The following CCDC73 variants were observed in gnomAD, a reference collection of about 807,000 sequenced individuals.
The protein encoded by CCDC73 is coiled-coil domain-containing protein 73.
In CCDC73, 95 loss-of-function variants were observed where a neutral mutation model predicts 116.5. That is an observed-to-expected ratio of 0.82 (90% CI 0.69 to 0.97). CCDC73 has a LOEUF of 0.97. Ranked by LOEUF, CCDC73 falls within the 50% of genes least tolerant of loss-of-function variation. The pLI, the probability that CCDC73 is intolerant of heterozygous loss-of-function variation, is 0.00. For synonymous variants in CCDC73, 398 were observed against 401.3 expected (o/e 0.99, Z 0.10); for missense variants, 1,066 against 1,206.8 (o/e 0.88, Z 1.73).
the CCDC73 span, among the ~76,000 whole-genome samples, chr11:32,823,155 A>C: frequency 0.025 from 3,801 of 152,206 alleles, 151 homozygotes; most frequent in African/African-American, 0.085. Context: ...AATATTCCCA[A>C]TATTTTAAAA....
intron 6 of CCDC73, among the ~76,000 whole-genome samples, chr11:32,698,747 GAA>G: frequency 6.6e-6 from 1 of 152,176 alleles, no homozygotes; most frequent in Non-Finnish European, 1.5e-5. Context: ...TCAATGCTGA[GAA>G]AAGTGTTTGC....
intron 2 of CCDC73, 120 bp from the exon 3 acceptor site, chr11:32,718,267 C>A: frequency 1.6e-6 from 1 of 633,920 alleles, no homozygotes; most frequent in South Asian, 2.1e-5. Flanking sequence ...AGAAAAAAAT[C>A]TAGACAAACT....
chr11:32,809,684 TG>T, the CCDC73 span, among the ~76,000 whole-genome samples: 2 of 152,088 alleles, frequency 1.3e-5, no homozygotes, highest in African/African-American at 4.8e-5. Context: ...GGAAGGTGGA[TG>T]GGGGAGGAAT....
chr11:32,754,796 CATT>C (rs1043223677), intron 2 of CCDC73, among the ~76,000 whole-genome samples: 2 of 150,722 alleles, frequency 1.3e-5, no homozygotes, highest in Non-Finnish European at 2.9e-5. Flanking sequence ...AAGAGTTTAC[CATT>C]AACAGACTTT....
intron 14 of CCDC73, among the ~76,000 whole-genome samples, chr11:32,623,895 A>G (rs1218176375): frequency 6.6e-6 from 1 of 152,206 alleles, no homozygotes; most frequent in Non-Finnish European, 1.5e-5. Context: ...TGATAAACAT[A>G]TAAAATATGT....
At chr11:32,643,184 T>C (rs1019617683) in intron 12 of CCDC73, among the ~76,000 whole-genome samples, 7 of 152,032 alleles carry the variant, frequency 4.6e-5, no homozygotes, top group African/African-American at 1.7e-4. Context: ...AAAGATAAAT[T>C]ATGTAAAATT....
chr11:32,697,265 A>G (rs1331970266), intron 6 of CCDC73, among the ~76,000 whole-genome samples: 1 of 151,882 alleles, frequency 6.6e-6, no homozygotes, highest in East Asian at 1.9e-4. Flanking sequence ...TTCATCATAC[A>G]TTTTCTAAGA....
At chr11:32,699,139 TA>T in intron 6 of CCDC73, 111 bp downstream of exon 6, 1 of 1,177,546 alleles carries the variant, frequency 8.5e-7, no homozygotes, top group South Asian at 2.1e-5. Context: ...TGTAATATAT[TA>T]GATATAAACT....
intron 14 of CCDC73, among the ~76,000 whole-genome samples, chr11:32,628,514 G>T (rs1565060548): frequency 2.0e-5 from 3 of 152,136 alleles, no homozygotes; most frequent in Admixed American, 1.3e-4. Context: ...GCTCCCACAG[G>T]TCTAGGTAAA....
intron 9 of CCDC73, among the ~76,000 whole-genome samples, chr11:32,663,040 G>T (rs1259414080): frequency 1.3e-5 from 2 of 152,010 alleles, no homozygotes; most frequent in African/African-American, 4.8e-5. Flanking sequence ...CTGTTCCATT[G>T]GTCTATATCT....
At chr11:32,744,131 T>C (rs1359652202) in intron 2 of CCDC73, among the ~76,000 whole-genome samples, 1 of 152,252 alleles carries the variant, frequency 6.6e-6, no homozygotes, top group Non-Finnish European at 1.5e-5. Flanking sequence ...CTGTTGAATT[T>C]TGTCAAAGGC....
At chr11:32,625,428 T>A (rs1230437043) in intron 14 of CCDC73, among the ~76,000 whole-genome samples, 1 of 152,240 alleles carries the variant, frequency 6.6e-6, no homozygotes, top group Non-Finnish European at 1.5e-5. Flanking sequence ...TGGTTGTTCC[T>A]TTCCATGTTT....
chr11:32,604,095 AAT>A (rs1855314120), intron 17 of CCDC73: 2 of 152,046 alleles, frequency 1.3e-5, no homozygotes, highest in Admixed American at 1.3e-4. Flanking sequence ...AAACAAAAGG[AAT>A]ACTGAATTGT....
intron 2 of CCDC73, among the ~76,000 whole-genome samples, chr11:32,753,230 TTG>T (rs1327190257): frequency 6.6e-6 from 1 of 152,118 alleles, no homozygotes; most frequent in East Asian, 1.9e-4. Flanking sequence ...AATATAAGAA[TTG>T]TTTCTTATGT....
At chr11:32,613,254 A>G (rs1855438602) in intron 16 of CCDC73, among the ~76,000 whole-genome samples, 168 bp downstream of exon 16, 1 of 152,236 alleles carries the variant, frequency 6.6e-6, no homozygotes, top group Non-Finnish European at 1.5e-5. Context: ...AGCCTTAACT[A>G]CTTCACTGTA....
chr11:32,611,755 T>G (rs1391481368), intron 16 of CCDC73, among the ~76,000 whole-genome samples: 1 of 152,170 alleles, frequency 6.6e-6, no homozygotes, highest in Non-Finnish European at 1.5e-5. Flanking sequence ...TTTAATAAAT[T>G]GATAGAAATG....
At chr11:32,746,792 C>G (rs996843907) in intron 2 of CCDC73, among the ~76,000 whole-genome samples, 10 of 152,142 alleles carry the variant, frequency 6.6e-5, no homozygotes, top group Non-Finnish European at 7.3e-5. Flanking sequence ...CACTTAAGCT[C>G]TTCTCTACAC....
chr11:32,826,661 A>AAAAAAAAAAAAAC, the CCDC73 span, among the ~76,000 whole-genome samples: 1 of 83,634 alleles, frequency 1.2e-5, no homozygotes, highest in Non-Finnish European at 2.5e-5. Context: ...AAAAAAAAAC[A>AAAAAAAAAAAAAC]AAAAAAAAAA....
intron 14 of CCDC73, among the ~76,000 whole-genome samples, chr11:32,622,563 G>A (rs548448453): frequency 4.9e-4 from 74 of 151,798 alleles, no homozygotes; most frequent in Middle Eastern, 3.4e-3. Flanking sequence ...TAATGCATGC[G>A]GGGCTTAAAA....
Sources: gnomAD v4.1 joint callset for allele counts (sites outside exome capture counted in the v4.1 genomes callset) on GRCh38, gnomAD v4.1.1 for gene constraint, MANE v1.5 for transcripts, NCBI Gene and HGNC (gene_info 2026-07-23, HGNC 2026-07-21) for gene names.